Variants in ENOX1 observed in about 807,000 individuals in gnomAD.
ENOX1 encodes the protein candidate growth-related and time keeping constitutive hydroquinone (NADH) oxidase.
ENOX1 carries 42 observed loss-of-function variants against 82.5 expected under a neutral mutation model. That is an observed-to-expected ratio of 0.51 (90% CI 0.40 to 0.66). The LOEUF (loss-of-function observed/expected upper bound fraction) is 0.66, where lower values mean the gene tolerates loss of function less well. ENOX1 is among the 30% of genes least tolerant of loss of function. The pLI, the probability that ENOX1 is intolerant of heterozygous loss-of-function variation, is 0.00. For missense variants in ENOX1, 608 were observed against 811.6 expected (o/e 0.75, Z 3.05); for synonymous variants, 271 against 282.2 (o/e 0.96, Z 0.40).
At chr13:43,706,017 T>C (rs936326090) in intron 1 of ENOX1, among the ~76,000 whole-genome samples, 40 of 151,996 alleles carry the variant, frequency 2.6e-4, no homozygotes, top group African/African-American at 9.4e-4. Flanking sequence ...GGTCTAGAAA[T>C]TACCAGGCCT....
intron 1 of ENOX1, among the ~76,000 whole-genome samples, chr13:43,757,267 G>T (rs1950707595): frequency 6.6e-6 from 1 of 152,172 alleles, no homozygotes; most frequent in South Asian, 2.1e-4. Context: ...TCAAGAGGTA[G>T]GGTCAATTTC....
rs2047866149 is a variant in ENOX1 at position 43,322,446 on chromosome 13, ATTTC to A, written c.1195_1198del (p.Glu399TrpfsTer16). On this transcript the variant is annotated frameshift_variant, in exon 11 of 17. Transcript: ENST00000690772. LOFTEE classifies it high-confidence loss of function. ...ACAGTTCTCATCATCAGACATTTCC[ATTTC>A]TTCTTCGCGGCGGATGCCCATGAGC... is the stretch of plus-strand genomic sequence containing the variant. 1 of 1,613,840 alleles carries A rather than the reference ATTTC, an allele frequency of 6.2e-7. No individual in the cohort carries two copies. Among genetic ancestry groups the A allele is most frequent in the Non-Finnish European group, 8.5e-7 (1 of 1,179,960 alleles).
intron 2 of ENOX1, among the ~76,000 whole-genome samples, chr13:43,644,843 T>C (rs1310139975): frequency 2.6e-5 from 4 of 152,208 alleles, no homozygotes; most frequent in Admixed American, 1.3e-4. Flanking sequence ...ACATGGATCC[T>C]TGCTCTTCCA....
At chr13:43,624,153 A>G (rs772513007) in intron 2 of ENOX1, among the ~76,000 whole-genome samples, 2 of 152,142 alleles carry the variant, frequency 1.3e-5, no homozygotes, top group Non-Finnish European at 2.9e-5. Context: ...TTGTGATTTT[A>G]ACTTGCATTC....
At chr13:43,426,035 A>C (rs2055280060) in intron 3 of ENOX1, among the ~76,000 whole-genome samples, 1 of 152,244 alleles carries the variant, frequency 6.6e-6, no homozygotes, top group African/African-American at 2.4e-5. Context: ...TCTGATATGG[A>C]GTAAGTAAAT....
Position 43,539,444 on chromosome 13 carries a change from CTA to C in ENOX1, c.-218-55294_-218-55293del, listed in dbSNP as rs1246219918. On this transcript the variant is annotated intron_variant, in intron 2 of 16. Coordinates refer to ENST00000690772, the MANE Select transcript of ENOX1 (RefSeq NM_001347969.2). ...CCTTTAACCCAGTATTTATACAGAA[CTA>C]TGTTTCCTAATTTTTAAACATAGAA... Among the ~76,000 whole-genome samples, 4 of 152,252 alleles carry C rather than the reference CTA, an allele frequency of 2.6e-5. No homozygotes were observed. In the East Asian group the frequency reaches 5.8e-4, roughly 22 times the overall value.
At chr13:43,317,731 C>T (rs1429656356) in intron 11 of ENOX1, among the ~76,000 whole-genome samples, 2 of 151,508 alleles carry the variant, frequency 1.3e-5, no homozygotes, top group South Asian at 2.1e-4. Flanking sequence ...CCGGGCCAGG[C>T]GTGGTGGCTC....
chr13:43,310,245 G>A (rs900238338), intron 11 of ENOX1, among the ~76,000 whole-genome samples: 1 of 146,986 alleles, frequency 6.8e-6, no homozygotes, highest in Non-Finnish European at 1.5e-5. Context: ...GTGCTGAGGT[G>A]CCAGTTAAGC....
chr13:43,694,228 A>T (rs372554986), intron 1 of ENOX1, among the ~76,000 whole-genome samples: 3 of 200 alleles, frequency 0.015, no homozygotes, highest in Non-Finnish European at 0.031. Flanking sequence ...AACTTAGGGG[A>T]AAAAAAAAAA....
intron 2 of ENOX1, among the ~76,000 whole-genome samples, chr13:43,531,958 A>T (rs996853440): frequency 3.3e-5 from 5 of 151,682 alleles, no homozygotes; most frequent in South Asian, 2.1e-4. Flanking sequence ...TAGCATTAGG[A>T]GATATACCTA....
At chr13:43,276,506 C>G (rs1431662805) in intron 12 of ENOX1, among the ~76,000 whole-genome samples, 1 of 152,186 alleles carries the variant, frequency 6.6e-6, no homozygotes, top group East Asian at 1.9e-4. Context: ...GTCTTCAGGT[C>G]TCCCCAGGAC....
chr13:43,719,788 T>A (rs2088440992), intron 1 of ENOX1, among the ~76,000 whole-genome samples: 1 of 152,146 alleles, frequency 6.6e-6, no homozygotes, highest in African/African-American at 2.4e-5. Flanking sequence ...TAAGGGGCCA[T>A]GCCTGCACCC....
chr13:43,487,038 G>A (rs1004605813), intron 2 of ENOX1, among the ~76,000 whole-genome samples: 2 of 152,124 alleles, frequency 1.3e-5, no homozygotes, highest in African/African-American at 4.8e-5. Context: ...AGGTATGGTG[G>A]TGCATGCCTG....
rs141390603 is a variant in ENOX1, at chr13:43,372,135, C to T, written c.209-10683G>A. Among the ~76,000 whole-genome samples, 10 of 152,274 alleles carry T rather than the reference C, an allele frequency of 6.6e-5. No individual in the cohort carries two copies. The East Asian group carries it at 1.4e-3, about 21-fold the overall frequency. ...TTTGGTTGTTGAGTCCACAATGTCA[C>T]AACATAAATTCATATATGATTCTAA... On this transcript the variant is annotated intron_variant, in intron 5 of 16. Transcript: ENST00000690772.
chr13:43,699,897 C>A (rs2086823765), intron 1 of ENOX1, among the ~76,000 whole-genome samples: 1 of 152,134 alleles, frequency 6.6e-6, no homozygotes, highest in Non-Finnish European at 1.5e-5. Flanking sequence ...GCATGTATAA[C>A]ACATCAGGAT....
chr13:43,287,645 T>C (rs2045774444), intron 12 of ENOX1, among the ~76,000 whole-genome samples: 1 of 152,240 alleles, frequency 6.6e-6, no homozygotes, highest in Non-Finnish European at 1.5e-5. Flanking sequence ...CCTCATCTTA[T>C]GACCTCTGGT....
intron 2 of ENOX1, among the ~76,000 whole-genome samples, chr13:43,541,480 A>G (rs2078724861): frequency 6.6e-6 from 1 of 152,130 alleles, no homozygotes; most frequent in African/African-American, 2.4e-5. Context: ...CAGCCTGGGC[A>G]AAAGTGCGAG....
chr13:43,584,438 A>T (rs1260496835), intron 2 of ENOX1, among the ~76,000 whole-genome samples: 1 of 152,200 alleles, frequency 6.6e-6, no homozygotes, highest in African/African-American at 2.4e-5. Context: ...ATAATTTGTT[A>T]TGCGTGGCAG....
intron 2 of ENOX1, among the ~76,000 whole-genome samples, chr13:43,521,482 C>T (rs1380393566): frequency 6.6e-6 from 1 of 152,066 alleles, no homozygotes; most frequent in African/African-American, 2.4e-5. Flanking sequence ...GGGACTGTGT[C>T]CAAATCCCAC....
Sources: gnomAD v4.1 joint callset for allele counts (sites outside exome capture counted in the v4.1 genomes callset) on GRCh38, gnomAD v4.1.1 for gene constraint, MANE v1.5 for transcripts, NCBI Gene and HGNC (gene_info 2026-07-23, HGNC 2026-07-21) for gene names.